Variants in PJA1 observed in about 807,000 individuals in gnomAD.
PJA1 encodes praja ring finger ubiquitin ligase 1.
PJA1 carries 5 observed loss-of-function variants against 14.1 expected under a neutral mutation model. That is an observed-to-expected ratio of 0.35 (90% CI 0.18 to 0.74). The LOEUF is 0.74. Among genes scored for constraint, PJA1 ranks in the 30% least tolerant of loss-of-function variants. The pLI is 0.56. For missense variants in PJA1, 394 were observed against 482.6 expected (o/e 0.82, Z 1.72); for synonymous variants, 174 against 190.9 (o/e 0.91, Z 0.73).
At chrX:69,160,859 T>C (rs1367869443), downstream of PJA1, 1 of 115,704 alleles carries the variant, frequency 8.6e-6, no homozygotes, top group Non-Finnish European at 1.8e-5. Flanking sequence ...CATTATACCA[T>C]GTAAAACCAA....
chrX:69,164,201 A>G (rs1011537397), intron 1 of PJA1, among the ~76,000 whole-genome samples: 5 of 109,495 alleles, frequency 4.6e-5, no homozygotes, highest in Non-Finnish European at 7.6e-5. Context: ...AGAGGCAGGC[A>G]ATCAAAGAAT....
In PJA1 at chrX:69,162,938, G is replaced by A; in HGVS notation, c.136C>T (p.Pro46Ser). The change falls in exon 2 of 2, where the codon CCA (proline) becomes TCA (serine). Residue 46 changes from proline to serine, a missense_variant. Physicochemically the swap from Pro to Ser is moderately conservative, Grantham distance 74. This residue lies in a region of PJA1 where 378 missense variants were observed against 439.3 expected (regional missense o/e 0.86). Coordinates refer to ENST00000374571, the MANE Select transcript of PJA1 (RefSeq NM_001032396.4). ...CTACCCGAAGCTCTGTACTCTCTTGGCGGATACCTGGAATAGTCCTCATTA... is the reference window on the plus strand; with the variant it reads ...CTACCCGAAGCTCTGTACTCTCTTGACGGATACCTGGAATAGTCCTCATTA... The part of the protein sequence containing the change: ...IDNEDYSRYP[P>S]REYRASGSRR... The A allele has an allele frequency of 8.3e-7, 1 of 1,210,989 alleles. No homozygotes were observed. Among genetic ancestry groups the A allele is most frequent in the Non-Finnish European group, 1.1e-6 (1 of 895,419 alleles).
rs199707327 is a variant in PJA1 at position 69,161,581 on chromosome X, G to A, written c.1493C>T (p.Ala498Val). The A allele has an allele frequency of 1.4e-5, 17 of 1,211,798 alleles. No homozygotes were observed. Among genetic ancestry groups the A allele is most frequent in the Admixed American group, 6.5e-5 (3 of 46,047 alleles). The change falls in exon 2 of 2, where the codon GCG (alanine) becomes GTG (valine). Residue 498 changes from alanine to valine, a missense_variant. Transcript: ENST00000374571. ...RLAQAMETAL[A>V]HLESLAVDVE... Reference sequence around the variant, plus strand: ...ATCCACTGCGAGAGACTCCAAGTGCGCAAGGGCAGTTTCCATTGCCTGGGC... The same window carrying A: ...ATCCACTGCGAGAGACTCCAAGTGCACAAGGGCAGTTTCCATTGCCTGGGC...
In PJA1 at chrX:69,162,037, T is replaced by A; in HGVS notation, c.1037A>T (p.Glu346Val). The A allele has an allele frequency of 2.5e-6, 3 of 1,210,962 alleles. No homozygotes were observed. The highest frequency in any genetic ancestry group is 3.4e-6 in the Non-Finnish European group (3 of 895,313). ...CACCTTAGCCTGTGGAGGTTCCCGC[T>A]CTTCTTTCCCCGGCAGAGTCTCCCA... ...ESWETLPGKE[E>V]REPPQAKVSA... Residue 346 changes from glutamate (E) to valine (V), a missense_variant, in exon 2 of 2, where the codon GAG becomes GTG. Glu to Val is a moderately radical substitution (Grantham distance 121). Around this residue, in one of 2 missense-constraint regions of PJA1, gnomAD observed 378 missense variants for 439.3 expected, o/e 0.86. Transcript: ENST00000374571.
intron 1 of PJA1, among the ~76,000 whole-genome samples, chrX:69,164,054 T>TTG (rs982137535): frequency 1.8e-5 from 2 of 108,893 alleles, no homozygotes; most frequent in Admixed American, 9.8e-5. Flanking sequence ...GTCTGAGAGT[T>TTG]TGTGTGTGTG....
chrX:69,161,392 T>C lies in PJA1; in HGVS notation c.1682A>G (p.Tyr561Cys). 8.3e-7 allele frequency: 1 copy of C among 1,209,478 alleles called. No individual in the cohort carries two copies. The highest frequency in any genetic ancestry group is 1.1e-6 in the Non-Finnish European group (1 of 894,190). Reference protein sequence around the residue: ...EVATELPCHHYFHKPCVSIWL... With the variant: ...EVATELPCHHCFHKPCVSIWL... ...GATGGACACACACGGCTTGTGGAAA[T>C]AGTGGTGGCACGGCAGCTCAGTTGC... The change falls in exon 2 of 2, where the codon TAT (tyrosine) becomes TGT (cysteine). Residue 561 changes from tyrosine (Y) to cysteine (C), a missense_variant. Coordinates refer to ENST00000374571, the MANE Select transcript of PJA1 (RefSeq NM_001032396.4).
At position 69,162,552 on chromosome X, in the gene PJA1, T is replaced by C. The variant is rs1445858795; in HGVS notation, c.522A>G (p.Leu174=). The part of the protein sequence containing the change: ...SSERERREQN[L]PARPSRAPVS... ...CAGGAGCCCTGCTGGGACGTGCAGG[T>C]AAATTTTGCTCCCTTCTCTCCCTCT... Residue 174 remains leucine (L), a synonymous_variant, in exon 2 of 2, where the codon TTA becomes TTG. Coordinates refer to ENST00000374571, the MANE Select transcript of PJA1 (RefSeq NM_001032396.4). 2 of 1,209,450 alleles carry C rather than the reference T, an allele frequency of 1.7e-6. No homozygotes were observed. Among genetic ancestry groups the C allele is most frequent in the African/African-American group, 3.5e-5 (2 of 56,959 alleles).
chrX:69,161,088 A>G lies in PJA1; in HGVS notation c.*219T>C, dbSNP rs1159318737. The G allele has an allele frequency of 8.4e-6, 4 of 475,466 alleles. No homozygotes were observed. Among genetic ancestry groups the G allele is most frequent in the Non-Finnish European group, 1.2e-5 (4 of 324,417 alleles). 39.2% of individuals were successfully genotyped at this position (475,466 alleles called of 1,213,427 possible). ...ACTGCAATCTCAAGTAGCATTTAGA[A>G]AGTTTAGTTTTCCCTTTTCTAACCT... On this transcript the variant is annotated 3_prime_UTR_variant, in exon 2 of 2. Transcript: ENST00000374571.
intron 1 of PJA1, among the ~76,000 whole-genome samples, chrX:69,164,652 G>A (rs999474818): frequency 9.7e-6 from 1 of 103,569 alleles, no homozygotes; most frequent in Non-Finnish European, 2.0e-5. Context: ...ATGCGCGGGG[G>A]AGGGGAAGCA....
downstream of PJA1, chrX:69,160,781 G>C (rs1602090937): frequency 1.1e-5 from 1 of 95,234 alleles, no homozygotes; most frequent in Non-Finnish European, 2.1e-5. Context: ...TAAAGCTTTT[G>C]ATGCAAATGC....
At position 69,161,062 on chromosome X, in the gene PJA1, T is replaced by C. The variant is rs893763357; in HGVS notation, c.*245A>G. 5 of 364,105 alleles carry C rather than the reference T, an allele frequency of 1.4e-5. No homozygotes were observed. The East Asian group carries it at 2.3e-4, about 17-fold the overall frequency. The allele number at this position is 364,105 out of a possible 1,213,427, so 30.0% of individuals were successfully genotyped here. On this transcript the variant is annotated 3_prime_UTR_variant, in exon 2 of 2. Transcript: ENST00000374571. ...TTTCAGGTTAGAAAACGTATCTTCT[T>C]ACTGCAATCTCAAGTAGCATTTAGA...
Position 69,162,080 on chromosome X carries a change from A to G in PJA1, c.994T>C (p.Ser332Pro), listed in dbSNP as rs1478523063. Reference protein sequence around the residue: ...RKYRSREQTLSSSGESWETLP... With the variant: ...RKYRSREQTLPSSGESWETLP... Reference sequence around the variant, plus strand: ...GTCTCCCAGCTTTCGCCACTGGAGGACAGGGTTTGCTCTCGGCTTCGATAT... The same window carrying G: ...GTCTCCCAGCTTTCGCCACTGGAGGGCAGGGTTTGCTCTCGGCTTCGATAT... Residue 332 changes from serine to proline, a missense_variant, in exon 2 of 2, where the codon TCC becomes CCC. Ser to Pro is a moderately conservative substitution (Grantham distance 74, BLOSUM62 -1). This residue lies in a region of PJA1 where 378 missense variants were observed against 439.3 expected (regional missense o/e 0.86). Coordinates refer to ENST00000374571, the MANE Select transcript of PJA1 (RefSeq NM_001032396.4). 1 of 1,211,035 alleles carries G rather than the reference A, an allele frequency of 8.3e-7. No individual in the cohort carries two copies. The highest frequency in any genetic ancestry group is 1.7e-5 in the African/African-American group (1 of 57,551).
intron 1 of PJA1, 167 bp from the exon 2 acceptor site, chrX:69,163,307 GT>G: frequency 9.4e-7 from 1 of 1,063,677 alleles, no homozygotes; most frequent in Non-Finnish European, 1.3e-6. Flanking sequence ...CCCTGCACAC[GT>G]TTTTGAGATG....
rs1415213612 is a variant in PJA1, at chrX:69,162,395, C to T, written c.679G>A (p.Asp227Asn). 8.3e-7 allele frequency: 1 copy of T among 1,208,511 alleles called. No individual in the cohort carries two copies. The highest frequency in any genetic ancestry group is 1.1e-6 in the Non-Finnish European group (1 of 894,941). ...KIFFDTDDDD[D>N]MPHSTSRWRD... is the part of the protein sequence containing the mutation. ...CACCTGGAAGTACTGTGTGGCATAT[C>T]GTCATCATCATCAGTATCAAAAAAA... is the stretch of plus-strand genomic sequence containing the variant. Residue 227 changes from aspartate to asparagine, a missense_variant, in exon 2 of 2, where the codon GAT becomes AAT. Physicochemically the swap from Asp to Asn is conservative, Grantham distance 23. Transcript: ENST00000374571.
In PJA1 at chrX:69,162,062, A is replaced by T; in HGVS notation, c.1012T>A (p.Trp338Arg). Residue 338 changes from tryptophan to arginine, a missense_variant, in exon 2 of 2, where the codon TGG becomes AGG. Trp to Arg is a moderately radical substitution (Grantham distance 101). This residue lies in a region of PJA1 where 378 missense variants were observed against 439.3 expected (regional missense o/e 0.86). Transcript: ENST00000374571. Reference protein sequence around the residue: ...EQTLSSSGESWETLPGKEERE... With the variant: ...EQTLSSSGESRETLPGKEERE... Reference sequence around the variant, plus strand: ...TCTTCTTTCCCCGGCAGAGTCTCCCAGCTTTCGCCACTGGAGGACAGGGTT... The same window carrying T: ...TCTTCTTTCCCCGGCAGAGTCTCCCTGCTTTCGCCACTGGAGGACAGGGTT... The T allele has an allele frequency of 8.3e-7, 1 of 1,210,929 alleles. No homozygotes were observed. The highest frequency in any genetic ancestry group is 1.1e-6 in the Non-Finnish European group (1 of 895,312).
rs1462515093 is a variant in PJA1 at position 69,161,537 on chromosome X, G to C, written c.1537C>G (p.Pro513Ala). The part of the protein sequence containing the change: ...LAVDVEVANP[P>A]ASKESIDALP... The stretch of plus-strand genomic sequence containing the variant: ...GCGTCAATGCTCTCCTTGCTTGCTG[G>C]TGGATTGGCCACCTCTACATCCACT... Residue 513 changes from proline (P) to alanine (A), a missense_variant, in exon 2 of 2, where the codon CCA (proline) becomes GCA (alanine). Physicochemically the swap from Pro to Ala is conservative, Grantham distance 27 (BLOSUM62 -1). Coordinates refer to ENST00000374571, the MANE Select transcript of PJA1 (RefSeq NM_001032396.4). The C allele has an allele frequency of 8.3e-7, 1 of 1,209,283 alleles. No homozygotes were observed. The highest frequency in any genetic ancestry group is 1.1e-6 in the Non-Finnish European group (1 of 895,025).
chrX:69,163,273 G>A, intron 1 of PJA1, 133 bp from the exon 2 acceptor site: 5 of 1,175,431 alleles, frequency 4.3e-6, no homozygotes, highest in Non-Finnish European at 5.7e-6. Context: ...ATACAGCTGG[G>A]GCTCGGGTAG....
In PJA1 at chrX:69,162,031, T is replaced by C. The variant is rs1925050514; in HGVS notation, c.1043A>G (p.Glu348Gly). 1 of 1,208,295 alleles carries C rather than the reference T, an allele frequency of 8.3e-7. No individual in the cohort carries two copies. The highest frequency in any genetic ancestry group is 1.8e-5 in the African/African-American group (1 of 56,624). ...WETLPGKEER[E>G]PPQAKVSAST... ...GGCACTCACCTTAGCCTGTGGAGGT[T>C]CCCGCTCTTCTTTCCCCGGCAGAGT... The change falls in exon 2 of 2, where the codon GAA becomes GGA. Residue 348 changes from glutamate to glycine, a missense_variant. By Grantham distance (98) the Glu-to-Gly change is moderately conservative. Coordinates refer to ENST00000374571, the MANE Select transcript of PJA1 (RefSeq NM_001032396.4).
chrX:69,164,153 G>A (rs751153001), intron 1 of PJA1, among the ~76,000 whole-genome samples: 54 of 109,792 alleles, frequency 4.9e-4, no homozygotes, highest in Non-Finnish European at 9.3e-4. Context: ...TGGGGGGTGC[G>A]CAGCACTGGA....
Sources: gnomAD v4.1 joint callset for allele counts (sites outside exome capture counted in the v4.1 genomes callset) on GRCh38, gnomAD v4.1.1 for gene constraint, gnomAD v4.1.1 regional missense constraint, MANE v1.5 for transcripts, NCBI Gene and HGNC (gene_info 2026-07-23, HGNC 2026-07-21) for gene names.